Variants in C8orf34 observed in about 807,000 individuals in gnomAD.
C8orf34 encodes the protein chromosome 8 open reading frame 34.
C8orf34 carries 65 observed loss-of-function variants against 68.3 expected under a neutral mutation model. The observed-to-expected ratio is 0.95, with a 90% CI of 0.78 to 1.17. C8orf34 has a LOEUF of 1.17. Among genes scored for constraint, C8orf34 ranks in the 50% most tolerant of loss-of-function variants. The pLI is 0.00. For synonymous variants in C8orf34, 244 were observed against 241.2 expected (o/e 1.01, Z -0.11); for missense variants, 664 against 655.4 (o/e 1.01, Z -0.14).
chr8:68,386,435 A>G (rs1808262899), intron 1 of C8orf34, among the ~76,000 whole-genome samples: 1 of 152,230 alleles, frequency 6.6e-6, no homozygotes, highest in South Asian at 2.1e-4. Context: ...TTTCAAATAT[A>G]TGAAAGGCTG....
At chr8:68,338,012 A>G (rs1805922215) in intron 1 of C8orf34, among the ~76,000 whole-genome samples, 1 of 152,230 alleles carries the variant, frequency 6.6e-6, no homozygotes, top group Non-Finnish European at 1.5e-5. Context: ...ACCTATATAT[A>G]GTCAGTGACA....
intron 7 of C8orf34, among the ~76,000 whole-genome samples, chr8:68,563,203 A>T (rs1816486659): frequency 2.0e-5 from 3 of 152,018 alleles, no homozygotes; most frequent in South Asian, 2.1e-4. Context: ...AATGCTTACA[A>T]TTTTTTTTAA....
intron 10 of C8orf34, among the ~76,000 whole-genome samples, chr8:68,770,919 A>G (rs1424544600): frequency 6.6e-5 from 10 of 152,324 alleles, no homozygotes; most frequent in Admixed American, 5.2e-4. Flanking sequence ...ATAACATTTT[A>G]TCTTAAAATG....
At chr8:68,550,895 T>C (rs1816045401) in intron 7 of C8orf34, among the ~76,000 whole-genome samples, 1 of 151,590 alleles carries the variant, frequency 6.6e-6, no homozygotes, top group African/African-American at 2.4e-5. Flanking sequence ...GTTTTTTTTT[T>C]TGTTTTGTTT....
chr8:68,736,171 A>AGCCATGACATT (rs1822116943), intron 10 of C8orf34, among the ~76,000 whole-genome samples: 1 of 152,198 alleles, frequency 6.6e-6, no homozygotes, highest in African/African-American at 2.4e-5. Flanking sequence ...CTCAGCCATG[A>AGCCATGACATT]TGTGCAAATG....
At chr8:68,564,264 G>A (rs759815324) in intron 7 of C8orf34, among the ~76,000 whole-genome samples, 2 of 152,146 alleles carry the variant, frequency 1.3e-5, no homozygotes, top group Non-Finnish European at 2.9e-5. Flanking sequence ...CAAAAAGAGT[G>A]ACCATATTAT....
chr8:68,548,701 T>A (rs1239968689), intron 7 of C8orf34, among the ~76,000 whole-genome samples: 1 of 151,816 alleles, frequency 6.6e-6, no homozygotes, highest in Non-Finnish European at 1.5e-5. Context: ...TGATAAAATA[T>A]ATGTTCACAA....
chr8:68,766,701 C>T (rs142256817), intron 10 of C8orf34, among the ~76,000 whole-genome samples: 504 of 152,236 alleles, frequency 3.3e-3, no homozygotes, highest in Non-Finnish European at 4.2e-3. Context: ...AAATTTCACT[C>T]TAATTTTTTA....
At chr8:68,459,839 T>C (rs1019124943) in intron 3 of C8orf34, among the ~76,000 whole-genome samples, 1 of 152,162 alleles carries the variant, frequency 6.6e-6, no homozygotes, top group African/African-American at 2.4e-5. Context: ...ACAGCTCCGG[T>C]CTACAGCTCC....
chr8:68,759,597 A>G (rs1822968929), intron 10 of C8orf34, among the ~76,000 whole-genome samples: 2 of 152,192 alleles, frequency 1.3e-5, no homozygotes, highest in South Asian at 4.1e-4. Context: ...GGTCTACTGA[A>G]TTTACATATA....
At chr8:68,466,049 A>AAC (rs1554556541) in intron 3 of C8orf34, among the ~76,000 whole-genome samples, 6 of 151,450 alleles carry the variant, frequency 4.0e-5, no homozygotes, top group Admixed American at 2.0e-4. Flanking sequence ...TTAAAAAAAA[A>AAC]AACAATGAAA....
intron 10 of C8orf34, among the ~76,000 whole-genome samples, chr8:68,741,785 G>A (rs892488014): frequency 2.6e-5 from 4 of 152,170 alleles, no homozygotes; most frequent in Admixed American, 6.5e-5. Flanking sequence ...CATCCATGTT[G>A]TTGTAAATGA....
chr8:68,422,395 C>T (rs907075511), intron 1 of C8orf34, among the ~76,000 whole-genome samples: 3 of 152,264 alleles, frequency 2.0e-5, no homozygotes, highest in South Asian at 2.1e-4. Flanking sequence ...CATGCAAGTC[C>T]GAAATCCAAT....
intron 3 of C8orf34, among the ~76,000 whole-genome samples, chr8:68,463,104 G>T (rs1411312411): frequency 6.6e-6 from 1 of 151,916 alleles, no homozygotes; most frequent in African/African-American, 2.4e-5. Context: ...AATGATAAAG[G>T]GGATATCACC....
chr8:68,367,907 G>GAAAAA (rs1807360133), intron 1 of C8orf34, among the ~76,000 whole-genome samples: 10 of 15,034 alleles, frequency 6.7e-4, no homozygotes, highest in African/African-American at 7.7e-4. Context: ...AATAAAAAAA[G>GAAAAA]AAAAGAAAAA....
intron 7 of C8orf34, among the ~76,000 whole-genome samples, chr8:68,618,095 T>C (rs1023592221): frequency 1.3e-5 from 2 of 152,166 alleles, no homozygotes; most frequent in African/African-American, 4.8e-5. Context: ...TACTATCATC[T>C]TGTCTTGAAT....
chr8:68,529,948 G>T (rs1187264102), intron 6 of C8orf34, among the ~76,000 whole-genome samples: 1 of 151,958 alleles, frequency 6.6e-6, no homozygotes, highest in Non-Finnish European at 1.5e-5. Context: ...TATAACATCT[G>T]CTTCAAACAG....
At chr8:68,816,085 A>C in intron 13 of C8orf34, 140 bp downstream of exon 13, 1 of 1,363,254 alleles carries the variant, frequency 7.3e-7, no homozygotes, top group Non-Finnish European at 1.0e-6. Flanking sequence ...ATCCTGCATA[A>C]GATTATAAGA....
chr8:68,405,637 C>T (rs940797403), intron 1 of C8orf34, among the ~76,000 whole-genome samples: 1 of 152,140 alleles, frequency 6.6e-6, no homozygotes, highest in East Asian at 1.9e-4. Flanking sequence ...GAATTATTTT[C>T]CTCTTCCTGG....
Sources: gnomAD v4.1 joint callset for allele counts (sites outside exome capture counted in the v4.1 genomes callset) on GRCh38, gnomAD v4.1.1 for gene constraint, MANE v1.5 for transcripts, NCBI Gene and HGNC (gene_info 2026-07-23, HGNC 2026-07-21) for gene names.